The following SRGAP3 variants were observed in gnomAD, a reference collection of about 807,000 sequenced individuals.
The protein encoded by SRGAP3 is SLIT-ROBO Rho GTPase activating protein 3.
A neutral mutation model predicts 121.1 loss-of-function variants in SRGAP3; 39 were observed. That is an observed-to-expected ratio of 0.32 (90% confidence interval 0.25 to 0.42). The LOEUF (loss-of-function observed/expected upper bound fraction) is 0.42. SRGAP3 is among the 10% of genes least tolerant of loss of function. The probability of loss-of-function intolerance (pLI) is 1.00; values close to 1 mark genes in which losing one functional copy is unlikely to be tolerated. For missense variants in SRGAP3, 1,213 were observed against 1,470.6 expected, an observed-to-expected ratio of 0.82 and a Z score of 2.86; for synonymous variants, 601 against 570.0, an observed-to-expected ratio of 1.05 and a Z score of -0.77.
chr3:9,312,628 T>C (rs920338115), intron 3 of SRGAP3, among the ~76,000 whole-genome samples: 2 of 152,230 alleles, frequency 1.3e-5, no homozygotes, highest in African/African-American at 4.8e-5. Context: ...TGAAATGAAC[T>C]GATGAGCATG....
chr3:9,211,656 CTTTCT>C (rs1436594803), intron 1 of SRGAP3, among the ~76,000 whole-genome samples: 7 of 142,324 alleles, frequency 4.9e-5, no homozygotes, highest in South Asian at 2.3e-4. Flanking sequence ...CCTGACCCAT[CTTTCT>C]TTTCTTTTTT....
chr3:9,361,813 G>A (rs79017707), intron 1 of SRGAP3, among the ~76,000 whole-genome samples: 202 of 152,214 alleles, frequency 1.3e-3, no homozygotes, highest in African/African-American at 4.7e-3. Context: ...ACCATCCAGG[G>A]AGTGGTTCTG....
chr3:9,234,386 C>T (rs1164786506), intron 1 of SRGAP3, among the ~76,000 whole-genome samples: 2 of 152,074 alleles, frequency 1.3e-5, no homozygotes, highest in East Asian at 1.9e-4. Context: ...AGTTGGAGAA[C>T]AGCCATGTCG....
At chr3:9,243,918 G>T (rs182859043) in intron 1 of SRGAP3, among the ~76,000 whole-genome samples, 59 of 152,306 alleles carry the variant, frequency 3.9e-4, no homozygotes, top group African/African-American at 1.3e-3. Context: ...TAAAAATCCA[G>T]ATTCCCTTGA....
chr3:9,051,710 CTTTT>C (rs36044423), intron 9 of SRGAP3, among the ~76,000 whole-genome samples: 1 of 103,112 alleles, frequency 9.7e-6, no homozygotes, highest in African/African-American at 3.7e-5. Flanking sequence ...TTGCTCAATT[CTTTT>C]TTTTTTTTTT....
chr3:9,122,520 T>C (rs1019806241), intron 2 of SRGAP3, among the ~76,000 whole-genome samples: 3 of 151,790 alleles, frequency 2.0e-5, no homozygotes, highest in African/African-American at 7.3e-5. Context: ...CCATCCTGGC[T>C]AACATGGTGA....
At chr3:9,096,937 GTATATATATA>G (rs58305278) in intron 3 of SRGAP3, among the ~76,000 whole-genome samples, 2,317 of 61,306 alleles carry the variant, frequency 0.038, 62 homozygotes, top group Middle Eastern at 0.13. Flanking sequence ...ACATTATTTT[GTATATATATA>G]TATATATATA....
chr3:8,994,837 T>G (rs1029921436), intron 18 of SRGAP3, among the ~76,000 whole-genome samples: 4 of 152,254 alleles, frequency 2.6e-5, no homozygotes, highest in African/African-American at 9.6e-5. Context: ...AATTTTCGTT[T>G]TCTTCCACCC....
intron 3 of SRGAP3, chr3:9,081,177 C>T (rs893258984): frequency 4.4e-6 from 2 of 453,906 alleles, no homozygotes; most frequent in East Asian, 7.0e-5. Context: ...ACAACAGATG[C>T]CCTAACCTTA....
chr3:9,259,895 A>G (rs1954216799), intron 3 of SRGAP3, among the ~76,000 whole-genome samples: 1 of 151,658 alleles, frequency 6.6e-6, no homozygotes, highest in South Asian at 2.1e-4. Context: ...TCTGATCTGC[A>G]GCTCCCAGCG....
Position 8,983,579 on chromosome 3 carries a change from A to G in SRGAP3, c.*1940T>C, listed in dbSNP as rs1275330995. On this transcript the variant is annotated 3_prime_UTR_variant, in exon 22 of 22. Coordinates refer to ENST00000383836, the MANE Select transcript of SRGAP3 (RefSeq NM_014850.4). ...CAATGGGCTGAAATGTTAATGATGG[A>G]ATCCAGGGCTCTTATTAGGATGGCA... 2 of 231,296 alleles carry G rather than the reference A, an allele frequency of 8.6e-6. No homozygotes were observed. Among genetic ancestry groups the G allele is most frequent in the Non-Finnish European group, 1.7e-5 (2 of 116,964 alleles). 14.3% of individuals were successfully genotyped at this position (231,296 alleles called of 1,614,324 possible).
At chr3:9,286,798 C>T (rs13084915) in intron 3 of SRGAP3, among the ~76,000 whole-genome samples, 75,359 of 148,716 alleles carry the variant, frequency 0.51, 19,626 homozygotes, top group Admixed American at 0.54. Context: ...GAGACGGGGT[C>T]TCACTGTGTT....
At chr3:9,102,552 A>C (rs1948257241) in intron 3 of SRGAP3, among the ~76,000 whole-genome samples, 1 of 152,206 alleles carries the variant, frequency 6.6e-6, no homozygotes, top group African/African-American at 2.4e-5. Context: ...TTATGTAAAG[A>C]GTGCCGGCCT....
At chr3:9,318,871 C>A (rs143370876) in intron 3 of SRGAP3, among the ~76,000 whole-genome samples, 1 of 150,736 alleles carries the variant, frequency 6.6e-6, no homozygotes, top group Non-Finnish European at 1.5e-5. Flanking sequence ...AGACTGAGAC[C>A]GCATCTCAAG....
rs150399595 is a variant in SRGAP3, at chr3:9,074,318, T to C, written c.486+5707A>G. 4.0e-3 allele frequency among the ~76,000 whole-genome samples: 616 copies of C among 152,270 alleles called. 3 individuals are homozygous for C. Among genetic ancestry groups the C allele is most frequent in the African/African-American group, 0.014 (581 of 41,552 alleles). ...TTGCTAGGCACTGGGCTATACTCTA[T>C]GACAATCACTCTCCCCAGAATAATC... On this transcript the variant is annotated intron_variant, in intron 4 of 21. Transcript: ENST00000383836.
At chr3:9,291,332 A>T (rs983050240) in intron 3 of SRGAP3, among the ~76,000 whole-genome samples, 1 of 152,182 alleles carries the variant, frequency 6.6e-6, no homozygotes, top group African/African-American at 2.4e-5. Context: ...ACATCTCAGC[A>T]GCCCTGTATT....
At chr3:9,014,306 GCTGGGTTTCTGTTACTTATGAGTCCTGA>G (rs1367467822) in intron 15 of SRGAP3, 129 of 211,368 alleles carry the variant, frequency 6.1e-4, no homozygotes, top group African/African-American at 2.7e-3. Context: ...GCAGGTTTAA[GCTGGGTTTCTGTTACTTATGAGTCCTGA>G]CAGACACAGG....
At position 9,056,216 on chromosome 3, in the gene SRGAP3, C is replaced by G; in HGVS notation, c.1125+17G>C. The G allele has an allele frequency of 6.2e-7, 1 of 1,612,080 alleles. No homozygotes were observed. Among genetic ancestry groups the G allele is most frequent in the Non-Finnish European group, 8.5e-7 (1 of 1,178,312 alleles). ...CTTCCAAAGAAAATCCCTTATAGGG[C>G]AGAGGGGCTCACTCACCTCCTCATT... On this transcript the variant is annotated intron_variant, in intron 8 of 21. Coordinates refer to ENST00000383836, the MANE Select transcript of SRGAP3 (RefSeq NM_014850.4).
intron 3 of SRGAP3, among the ~76,000 whole-genome samples, chr3:9,089,564 T>C (rs1454613691): frequency 6.6e-6 from 1 of 152,206 alleles, no homozygotes; most frequent in East Asian, 1.9e-4. Flanking sequence ...CACCTACCTG[T>C]CCAATGCACT....
Sources: allele counts gnomAD v4.1 joint callset (sites outside exome capture counted in the v4.1 genomes callset), GRCh38; gene constraint gnomAD v4.1.1; transcripts MANE v1.5; gene names NCBI Gene and HGNC (gene_info 2026-07-23, HGNC 2026-07-21).